RELN: variants seen among roughly 807,000 people sequenced by gnomAD.
RELN encodes the protein reelin.
Under a neutral mutation model 427.6 loss-of-function variants are expected in RELN, and 108 were observed. The observed-to-expected ratio is 0.25, with a 90% CI of 0.22 to 0.30. RELN has a LOEUF of 0.30. Ranked by LOEUF, RELN falls within the 10% of genes least tolerant of loss-of-function variation. The pLI is 1.00. For synonymous variants in RELN, 1,524 were observed against 1,513.4 expected (o/e 1.01, Z -0.16); for missense variants, 3,715 against 4,302.8 (o/e 0.86, Z 3.82).
chr7:103,876,079 G>C (rs1262632211), intron 2 of RELN, among the ~76,000 whole-genome samples: 1 of 152,042 alleles, frequency 6.6e-6, no homozygotes, highest in Non-Finnish European at 1.5e-5. Context: ...TTCTTTGTTT[G>C]ATTATGTACT....
intron 31 of RELN, among the ~76,000 whole-genome samples, chr7:103,567,622 A>G (rs933249659): frequency 6.6e-6 from 1 of 151,952 alleles, no homozygotes; most frequent in Non-Finnish European, 1.5e-5. Flanking sequence ...CTTCTTTGGT[A>G]GGGGGGGTAG....
chr7:103,794,322 T>C (rs988772245), intron 3 of RELN, among the ~76,000 whole-genome samples: 18 of 152,150 alleles, frequency 1.2e-4, no homozygotes, highest in Middle Eastern at 3.2e-3. Flanking sequence ...TATCCCCCTA[T>C]GAGTAGGACA....
chr7:103,882,254 T>C (rs1051215826), intron 2 of RELN, among the ~76,000 whole-genome samples: 7 of 152,170 alleles, frequency 4.6e-5, no homozygotes, highest in East Asian at 1.9e-4. Flanking sequence ...CTGTTTCCTA[T>C]ACATATTTGC....
At chr7:103,531,157 T>C (rs1040500749) in intron 46 of RELN, among the ~76,000 whole-genome samples, 1 of 152,198 alleles carries the variant, frequency 6.6e-6, no homozygotes, top group Non-Finnish European at 1.5e-5. Flanking sequence ...TTCTCAACAC[T>C]TCCATGCACA....
intron 49 of RELN, among the ~76,000 whole-genome samples, chr7:103,517,254 A>G (rs1374162027): frequency 7.5e-6 from 1 of 134,188 alleles, no homozygotes; most frequent in African/African-American, 3.4e-5. Flanking sequence ...TTTACATACT[A>G]TCCGAAATCT....
At chr7:103,960,656 A>G (rs1796532317) in intron 1 of RELN, among the ~76,000 whole-genome samples, 1 of 152,232 alleles carries the variant, frequency 6.6e-6, no homozygotes. Flanking sequence ...AGCAAATGCT[A>G]AGAAAAAAAA....
intron 37 of RELN, among the ~76,000 whole-genome samples, chr7:103,557,379 C>T (rs1830548553): frequency 6.6e-6 from 1 of 152,276 alleles, no homozygotes; most frequent in East Asian, 1.9e-4. Flanking sequence ...ACAATAATAC[C>T]TCCCTTTCTC....
chr7:103,849,232 A>G (rs1045660380), intron 2 of RELN, among the ~76,000 whole-genome samples: 1 of 152,178 alleles, frequency 6.6e-6, no homozygotes, highest in Admixed American at 6.5e-5. Flanking sequence ...TTCCTACTCA[A>G]TCAATCAACA....
intron 1 of RELN, among the ~76,000 whole-genome samples, chr7:103,983,485 C>T (rs1797033748): frequency 6.6e-6 from 1 of 152,164 alleles, no homozygotes; most frequent in Non-Finnish European, 1.5e-5. Flanking sequence ...CTACACAATT[C>T]CTGCGTTTGA....
At chr7:103,699,232 A>G (rs1464302576) in intron 9 of RELN, among the ~76,000 whole-genome samples, 1 of 152,194 alleles carries the variant, frequency 6.6e-6, no homozygotes, top group Non-Finnish European at 1.5e-5. Context: ...TGAAAGGACT[A>G]GAGAAGAGCC....
chr7:103,896,772 T>G (rs1794970439), intron 2 of RELN, among the ~76,000 whole-genome samples: 1 of 152,076 alleles, frequency 6.6e-6, no homozygotes, highest in Admixed American at 6.6e-5. Flanking sequence ...TGCTGTAAAA[T>G]TTTTTCAATT....
At position 103,742,025 on chromosome 7, in the gene RELN, C is replaced by A. The variant is rs555439214; in HGVS notation, c.656+7401G>T. Among the ~76,000 whole-genome samples, 3 of 152,066 alleles carry A rather than the reference C, an allele frequency of 2.0e-5. No individual in the cohort carries two copies. The East Asian group carries it at 5.8e-4, about 29-fold the overall frequency. The stretch of plus-strand genomic sequence containing the variant: ...ACTGGGAGGCACCCCCCAGTAGGGG[C>A]GGACTGACACCGCACACGGCCAGGT... On this transcript the variant is annotated intron_variant, in intron 6 of 64. Coordinates refer to ENST00000428762, the MANE Select transcript of RELN (RefSeq NM_005045.4).
At chr7:103,709,048 G>C (rs1469302467) in intron 8 of RELN, among the ~76,000 whole-genome samples, 1 of 152,174 alleles carries the variant, frequency 6.6e-6, no homozygotes, top group African/African-American at 2.4e-5. Context: ...ATGAACACTT[G>C]AATGAATGAA....
At chr7:103,669,611 A>T (rs1833346699) in intron 11 of RELN, among the ~76,000 whole-genome samples, 1 of 152,078 alleles carries the variant, frequency 6.6e-6, no homozygotes, top group Admixed American at 6.6e-5. Flanking sequence ...ACATGAAGTA[A>T]AATTATAATA....
chr7:103,774,679 T>C (rs2116203950), intron 4 of RELN, among the ~76,000 whole-genome samples: 1 of 152,326 alleles, frequency 6.6e-6, no homozygotes, highest in East Asian at 1.9e-4. Context: ...TAATTAAAAA[T>C]AGATAAGGCC....
intron 4 of RELN, among the ~76,000 whole-genome samples, chr7:103,759,410 T>C (rs1286567847): frequency 1.3e-5 from 2 of 152,112 alleles, no homozygotes; most frequent in Non-Finnish European, 2.9e-5. Flanking sequence ...AGGAATAACA[T>C]GCTTCTTGGT....
At chr7:103,865,309 T>G (rs1377592043) in intron 2 of RELN, among the ~76,000 whole-genome samples, 2 of 152,072 alleles carry the variant, frequency 1.3e-5, no homozygotes, top group Non-Finnish European at 2.9e-5. Context: ...GATTCACTGG[T>G]GAATTCTACC....
At chr7:103,523,686 T>C (rs1829760375) in intron 46 of RELN, among the ~76,000 whole-genome samples, 155 bp from the exon 47 acceptor site, 1 of 152,188 alleles carries the variant, frequency 6.6e-6, no homozygotes. Context: ...TATTCTTCTT[T>C]TCTTTTTTTG....
At chr7:103,615,137 CTTTA>C (rs1181742088) in intron 20 of RELN, among the ~76,000 whole-genome samples, 2 of 152,150 alleles carry the variant, frequency 1.3e-5, no homozygotes, top group Admixed American at 1.3e-4. Flanking sequence ...GGAGGCTTGG[CTTTA>C]TTTATATTGA....
Sources: gnomAD v4.1 joint callset for allele counts (sites outside exome capture counted in the v4.1 genomes callset) on GRCh38, gnomAD v4.1.1 for gene constraint, MANE v1.5 for transcripts, NCBI Gene and HGNC (gene_info 2026-07-23, HGNC 2026-07-21) for gene names.